The following ADARB2 variants were observed in gnomAD, a reference collection of about 807,000 sequenced individuals.
ADARB2 encodes the protein inactive double-stranded RNA-specific editase B2.
A neutral mutation model predicts 62.2 loss-of-function variants in ADARB2; 25 were observed. The observed-to-expected ratio is 0.40, with a 90% CI of 0.29 to 0.56. ADARB2 has a LOEUF of 0.56. Among genes scored for constraint, ADARB2 ranks in the 20% least tolerant of loss-of-function variants. The pLI is 0.43. For synonymous variants in ADARB2, 572 were observed against 500.8 expected, an observed-to-expected ratio of 1.14 and a Z score of -1.90; for missense variants, 1,071 against 1,077.4, an observed-to-expected ratio of 0.99 and a Z score of 0.08.
chr10:1,199,657 G>C (rs1471771474), intron 8 of ADARB2: 3 of 305,026 alleles, frequency 9.8e-6, no homozygotes, highest in Non-Finnish European at 1.8e-5. Context: ...GGCCAGGTGG[G>C]CAGGTGGGGC....
chr10:1,509,983 C>A (rs1831900518), intron 1 of ADARB2, among the ~76,000 whole-genome samples: 2 of 151,684 alleles, frequency 1.3e-5, no homozygotes, highest in Admixed American at 6.6e-5. Flanking sequence ...CATTTGCTTC[C>A]CTTTCTTTTT....
In ADARB2 at chr10:1,332,369, T is replaced by C. The variant is rs187028071; in HGVS notation, c.1077+30659A>G. Among the ~76,000 whole-genome samples the C allele has an allele frequency of 3.3e-3, 500 of 151,610 alleles. 3 individuals carry two copies. The highest frequency in any genetic ancestry group is 0.012 in the African/African-American group (477 of 41,282). Reference sequence around the variant, plus strand: ...AGGTTGAGGCTGCAGTGAGCTGGTGTTGCACCACTGCATTCCAGTCTGGGT... The same window carrying C: ...AGGTTGAGGCTGCAGTGAGCTGGTGCTGCACCACTGCATTCCAGTCTGGGT... On this transcript the variant is annotated intron_variant, in intron 3 of 9. Coordinates refer to ENST00000381312, the MANE Select transcript of ADARB2 (RefSeq NM_018702.4).
chr10:1,185,068 T>A, intron 8 of ADARB2, 29 bp from the exon 9 acceptor site: 1 of 1,599,604 alleles, frequency 6.3e-7, no homozygotes, highest in Non-Finnish European at 8.5e-7. Flanking sequence ...AAGGCGGGCG[T>A]TAATATTCCT....
intron 3 of ADARB2, among the ~76,000 whole-genome samples, chr10:1,341,761 C>T (rs1384238226): frequency 6.6e-6 from 1 of 152,138 alleles, no homozygotes; most frequent in African/African-American, 2.4e-5. Flanking sequence ...CACCAGAGAA[C>T]AAAGTGTCCC....
intron 1 of ADARB2, among the ~76,000 whole-genome samples, chr10:1,732,175 T>C (rs545343662): frequency 2.0e-5 from 3 of 152,158 alleles, no homozygotes; most frequent in East Asian, 3.9e-4. Context: ...TTACCGTGTA[T>C]ATACATATAC....
chr10:1,281,924 A>T (rs977563258), intron 3 of ADARB2, among the ~76,000 whole-genome samples: 2 of 152,262 alleles, frequency 1.3e-5, no homozygotes, highest in Non-Finnish European at 2.9e-5. Context: ...GCAAAAATTT[A>T]AAAAACTTTC....
At chr10:1,530,468 TTC>T (rs1407213950) in intron 1 of ADARB2, among the ~76,000 whole-genome samples, 6 of 152,142 alleles carry the variant, frequency 3.9e-5, no homozygotes, top group Non-Finnish European at 8.8e-5. Flanking sequence ...TCTCACTGAA[TTC>T]TCTCTCTGCA....
chr10:1,563,681 C>T (rs1445789223), intron 1 of ADARB2, among the ~76,000 whole-genome samples: 1 of 151,180 alleles, frequency 6.6e-6, no homozygotes, highest in Non-Finnish European at 1.5e-5. Context: ...GCACAATGTG[C>T]AGGTCAGTTA....
At chr10:1,196,483 G>C (rs1263748451) in intron 8 of ADARB2, among the ~76,000 whole-genome samples, 3 of 152,056 alleles carry the variant, frequency 2.0e-5, no homozygotes, top group Admixed American at 1.3e-4. Flanking sequence ...ATTCTCAGGA[G>C]CAATGTAATT....
chr10:1,716,169 A>G (rs1043616478), intron 1 of ADARB2, among the ~76,000 whole-genome samples: 1 of 152,042 alleles, frequency 6.6e-6, no homozygotes, highest in Non-Finnish European at 1.5e-5. Context: ...CTGCTTACTC[A>G]GTTCTCCCTG....
chr10:1,476,307 A>G (rs2676752), intron 1 of ADARB2, among the ~76,000 whole-genome samples: 148,252 of 152,240 alleles, frequency 0.97, 72,303 homozygotes, highest in East Asian at 1. Flanking sequence ...CAGGGTGCCC[A>G]ACTGCAGGTC....
intron 6 of ADARB2, among the ~76,000 whole-genome samples, chr10:1,227,858 T>A (rs1830762463): frequency 6.6e-6 from 1 of 152,248 alleles, no homozygotes; most frequent in African/African-American, 2.4e-5. Flanking sequence ...TGAAGCAACC[T>A]AGTATTCATT....
At chr10:1,195,234 C>G (rs769968044) in intron 8 of ADARB2, among the ~76,000 whole-genome samples, 1 of 152,188 alleles carries the variant, frequency 6.6e-6, no homozygotes, top group African/African-American at 2.4e-5. Context: ...TCTTGTGGCA[C>G]TCTCCTTGGT....
At chr10:1,464,312 G>A (rs1197305555) in intron 1 of ADARB2, among the ~76,000 whole-genome samples, 4 of 138,488 alleles carry the variant, frequency 2.9e-5, no homozygotes, top group Admixed American at 7.2e-5. Flanking sequence ...CAGGCAGCGC[G>A]CCGGAGAAGA....
chr10:1,224,345 A>G (rs1830724591), intron 6 of ADARB2, among the ~76,000 whole-genome samples: 1 of 148,024 alleles, frequency 6.8e-6, no homozygotes, highest in African/African-American at 2.5e-5. Context: ...CTAGTGGTCT[A>G]TCACATTTTG....
chr10:1,250,046 C>G (rs1030343129), intron 4 of ADARB2, among the ~76,000 whole-genome samples: 2 of 149,034 alleles, frequency 1.3e-5, no homozygotes, highest in African/African-American at 4.9e-5. Flanking sequence ...CTTAAAAATC[C>G]TATTGAAGGA....
intron 1 of ADARB2, among the ~76,000 whole-genome samples, chr10:1,640,701 C>G (rs1833970684): frequency 6.6e-6 from 1 of 152,124 alleles, no homozygotes; most frequent in East Asian, 1.9e-4. Flanking sequence ...TGTCTATACA[C>G]TATAAATATT....
At position 1,426,686 on chromosome 10, in the gene ADARB2, C is replaced by T. The variant is rs2066951257; in HGVS notation, c.101-47526G>A. Among the ~76,000 whole-genome samples the T allele has an allele frequency of 6.6e-6, 1 of 152,186 alleles. No homozygotes were observed. The highest frequency in any genetic ancestry group is 1.5e-5 in the Non-Finnish European group (1 of 68,042). On this transcript the variant is annotated intron_variant, in intron 1 of 9. Coordinates refer to ENST00000381312, the MANE Select transcript of ADARB2 (RefSeq NM_018702.4). The surrounding 1 kb of genome is among the most constrained non-coding windows in gnomAD (Gnocchi z 4.1). ...CTTCTGAGACTCGGAGACCAGTGAA[C>T]CTGCTTGCCACCCTGGGCAAGAGAG... is the stretch of plus-strand genomic sequence containing the variant.
At chr10:1,440,170 C>G (rs1198001586) in intron 1 of ADARB2, among the ~76,000 whole-genome samples, 1 of 151,874 alleles carries the variant, frequency 6.6e-6, no homozygotes, top group Non-Finnish European at 1.5e-5. Flanking sequence ...CACTATGGGG[C>G]TTCTGAGTCT....
Sources: gnomAD v4.1 joint callset for allele counts (sites outside exome capture counted in the v4.1 genomes callset) on GRCh38, gnomAD v4.1.1 for gene constraint, Gnocchi (gnomAD v3.1) non-coding constraint, MANE v1.5 for transcripts, NCBI Gene and HGNC (gene_info 2026-07-23, HGNC 2026-07-21) for gene names.